LIMCH1: variants seen among roughly 807,000 people sequenced by gnomAD.
LIMCH1 encodes the protein LIM and calponin homology domains 1.
LIMCH1 carries 113 observed loss-of-function variants against 176.5 expected under a neutral mutation model. The observed-to-expected ratio is 0.64, with a 90% CI of 0.55 to 0.75. LIMCH1 has a LOEUF of 0.75. Among genes scored for constraint, LIMCH1 ranks in the 30% least tolerant of loss-of-function variants. The pLI, the probability that LIMCH1 is intolerant of heterozygous loss-of-function variation, is 0.00. For synonymous variants in LIMCH1, 619 were observed against 645.9 expected, an observed-to-expected ratio of 0.96 and a Z score of 0.63; for missense variants, 1,674 against 1,814.9, an observed-to-expected ratio of 0.92 and a Z score of 1.41.
intron 1 of LIMCH1, among the ~76,000 whole-genome samples, chr4:41,581,112 G>GTCTGTCTATCTATCTA (rs577625607): frequency 1.5e-5 from 2 of 132,986 alleles, no homozygotes; most frequent in East Asian, 2.0e-4. Flanking sequence ...CTGTCTGTCT[G>GTCTGTCTATCTATCTA]TCTATCTATC....
intron 2 of LIMCH1, 28 bp from the exon 3 acceptor site, chr4:41,603,847 A>C (rs1440969205): frequency 7.0e-6 from 11 of 1,567,622 alleles, no homozygotes; most frequent in Non-Finnish European, 9.7e-6. Context: ...TATTCTGACA[A>C]TATTTTCTTT....
Position 41,697,339 on chromosome 4 carries a change from A to T in LIMCH1, c.*154A>T. On this transcript the variant is annotated 3_prime_UTR_variant, in exon 32 of 32. Transcript: ENST00000503057. ...GGTGGTATCTGTTCTTTCGTAGCACAGTGTTTATGTTTTTCCTGTTTATTG... is the reference window on the plus strand; with the variant it reads ...GGTGGTATCTGTTCTTTCGTAGCACTGTGTTTATGTTTTTCCTGTTTATTG... 2 of 610,356 alleles carry T rather than the reference A, an allele frequency of 3.3e-6. No individual in the cohort carries two copies. Among genetic ancestry groups the T allele is most frequent in the Non-Finnish European group, 5.8e-6 (2 of 344,860 alleles). The allele number at this position is 610,356 out of a possible 1,614,324, so 37.8% of individuals were successfully genotyped here.
intron 14 of LIMCH1, among the ~76,000 whole-genome samples, chr4:41,641,398 A>G (rs2093817359): frequency 6.6e-6 from 1 of 151,800 alleles, no homozygotes; most frequent in African/African-American, 2.4e-5. Flanking sequence ...TTTTTTGAAA[A>G]TGGCATAAAT....
chr4:41,647,542 C>T (rs2094116431), intron 17 of LIMCH1, among the ~76,000 whole-genome samples: 1 of 152,180 alleles, frequency 6.6e-6, no homozygotes, highest in African/African-American at 2.4e-5. Context: ...TTTTCGCTTC[C>T]TCAAATTCAA....
chr4:41,565,090 G>A (rs1344644423), intron 1 of LIMCH1, among the ~76,000 whole-genome samples: 1 of 152,088 alleles, frequency 6.6e-6, no homozygotes, highest in African/African-American at 2.4e-5. Context: ...ACAAATAAGA[G>A]AACAAACTAT....
At chr4:41,426,301 G>A (rs530429281) in intron 1 of LIMCH1, among the ~76,000 whole-genome samples, 45 of 152,264 alleles carry the variant, frequency 3.0e-4, no homozygotes, top group African/African-American at 9.4e-4. Flanking sequence ...GATTACAGGC[G>A]TGAGCCACTG....
chr4:41,386,899 TCTTTA>T (rs1365936754), intron 1 of LIMCH1, among the ~76,000 whole-genome samples: 7 of 152,236 alleles, frequency 4.6e-5, no homozygotes, highest in Admixed American at 4.6e-4. Flanking sequence ...TATGCTGTTT[TCTTTA>T]CTTTAATTGT....
intron 2 of LIMCH1, among the ~76,000 whole-genome samples, chr4:41,514,034 A>T (rs1429494710): frequency 7.2e-6 from 1 of 139,560 alleles, no homozygotes; most frequent in Non-Finnish European, 1.6e-5. Context: ...AAAAAAAAAA[A>T]AAAAAAAAAA....
chr4:41,426,795 A>G (rs564323549), intron 1 of LIMCH1, among the ~76,000 whole-genome samples: 3 of 152,382 alleles, frequency 2.0e-5, no homozygotes, highest in African/African-American at 4.8e-5. Context: ...AATTAGTGGA[A>G]AAATCTAGGC....
chr4:41,459,817 C>G (rs543607295), intron 1 of LIMCH1, among the ~76,000 whole-genome samples: 3 of 152,120 alleles, frequency 2.0e-5, no homozygotes, highest in Non-Finnish European at 4.4e-5. Flanking sequence ...AGAACCATGA[C>G]GAAGCTTGCA....
intron 3 of LIMCH1, among the ~76,000 whole-genome samples, chr4:41,531,776 G>A (rs757843508): frequency 2.6e-5 from 4 of 152,092 alleles, no homozygotes; most frequent in Non-Finnish European, 5.9e-5. Context: ...GGAAGGGCTT[G>A]GAATAAAAAC....
intron 1 of LIMCH1, among the ~76,000 whole-genome samples, chr4:41,454,512 G>A (rs892019016): frequency 4.6e-5 from 7 of 151,902 alleles, no homozygotes; most frequent in African/African-American, 1.7e-4. Context: ...CTAAACTACT[G>A]CATATTTGAG....
At chr4:41,593,748 G>C (rs2088124572) in intron 1 of LIMCH1, among the ~76,000 whole-genome samples, 1 of 152,192 alleles carries the variant, frequency 6.6e-6, no homozygotes, top group South Asian at 2.1e-4. Flanking sequence ...ATATGATCTG[G>C]TTACAACAAC....
intron 6 of LIMCH1, chr4:41,619,642 G>A (rs767060860): frequency 2.8e-5 from 18 of 633,580 alleles, no homozygotes; most frequent in South Asian, 6.3e-5. Context: ...ACAGTGCCTG[G>A]CACACAGTAG....
At chr4:41,617,902 T>C (rs1447046023) in intron 5 of LIMCH1, among the ~76,000 whole-genome samples, 1 of 152,242 alleles carries the variant, frequency 6.6e-6, no homozygotes, top group African/African-American at 2.4e-5. Flanking sequence ...CCCCAAGCAC[T>C]GTACCAATAG....
chr4:41,518,596 T>C (rs1465569275), intron 2 of LIMCH1, among the ~76,000 whole-genome samples: 1 of 152,208 alleles, frequency 6.6e-6, no homozygotes, highest in African/African-American at 2.4e-5. Flanking sequence ...CTTTAAGTTC[T>C]GAGATACATG....
intron 1 of LIMCH1, among the ~76,000 whole-genome samples, chr4:41,539,860 A>G (rs1291497511): frequency 6.6e-6 from 1 of 152,252 alleles, no homozygotes; most frequent in East Asian, 1.9e-4. Flanking sequence ...GGAAAGCAAC[A>G]GGAATGTTGA....
At chr4:41,388,341 A>C (rs930654399) in intron 1 of LIMCH1, among the ~76,000 whole-genome samples, 2 of 152,230 alleles carry the variant, frequency 1.3e-5, no homozygotes, top group African/African-American at 2.4e-5. Context: ...ATGAACTACC[A>C]AACCTCAAAA....
At chr4:41,492,337 G>C (rs1327974229) in intron 1 of LIMCH1, among the ~76,000 whole-genome samples, 2 of 151,954 alleles carry the variant, frequency 1.3e-5, no homozygotes, top group South Asian at 2.1e-4. Context: ...AGGCAGGGAG[G>C]TTGCAGCGAG....
Sources: gnomAD v4.1 joint callset for allele counts (sites outside exome capture counted in the v4.1 genomes callset) on GRCh38, gnomAD v4.1.1 for gene constraint, MANE v1.5 for transcripts, NCBI Gene and HGNC (gene_info 2026-07-23, HGNC 2026-07-21) for gene names.